The following RYR3 variants were observed in gnomAD, a reference collection of about 807,000 sequenced individuals.
RYR3 encodes the protein ryanodine receptor 3.
In RYR3, 207 loss-of-function variants were observed where a neutral mutation model predicts 584.3. That is an observed-to-expected ratio of 0.35 (90% CI 0.32 to 0.40). The LOEUF is 0.40. Ranked by LOEUF, RYR3 falls within the 10% of genes least tolerant of loss-of-function variation. RYR3 has a pLI of 1.00. For missense variants in RYR3, 5,616 were observed against 6,089.2 expected, an observed-to-expected ratio of 0.92 and a Z score of 2.59; for synonymous variants, 2,416 against 2,248.5, an observed-to-expected ratio of 1.07 and a Z score of -2.11.
intron 43 of RYR3, among the ~76,000 whole-genome samples, chr15:33,708,879 A>G (rs2066902715): frequency 6.6e-6 from 1 of 152,026 alleles, no homozygotes; most frequent in Non-Finnish European, 1.5e-5. Flanking sequence ...CTAGGGTTAG[A>G]CCGCACAGGC....
At chr15:33,654,540 G>A (rs2062708956) in intron 32 of RYR3, among the ~76,000 whole-genome samples, 1 of 152,032 alleles carries the variant, frequency 6.6e-6, no homozygotes, top group Non-Finnish European at 1.5e-5. Context: ...ATTTTCATGG[G>A]TAGAAGGAGA....
intron 2 of RYR3, among the ~76,000 whole-genome samples, chr15:33,488,768 T>G (rs1285668146): frequency 6.6e-6 from 1 of 152,088 alleles, no homozygotes; most frequent in Non-Finnish European, 1.5e-5. Flanking sequence ...AGGTAATCGC[T>G]TGAACCCAGG....
chr15:33,860,619 A>G lies in RYR3; in HGVS notation c.14324A>G (p.Glu4775Gly). The G allele has an allele frequency of 6.3e-7, 1 of 1,592,918 alleles. No individual in the cohort carries two copies. Among genetic ancestry groups the G allele is most frequent in the South Asian group, 1.1e-5 (1 of 87,308 alleles). Residue 4775 changes from glutamate to glycine, a missense_variant, in exon 101 of 104, where the codon GAG becomes GGG. Glu to Gly is a moderately conservative substitution (Grantham distance 98). Around this residue, in one of 9 missense-constraint regions of RYR3, gnomAD observed 918 missense variants for 887.4 expected, o/e 1.03. Transcript: ENST00000634891. ...GGTCTTATTATTGATGCTTTCGGAG[A>G]GCTAAGAGACCAGCAGGAACAAGTA... is the stretch of plus-strand genomic sequence containing the variant. The part of the protein sequence containing the change: ...IQGLIIDAFG[E>G]LRDQQEQVRE...
intron 2 of RYR3, among the ~76,000 whole-genome samples, chr15:33,491,303 A>G (rs1439364440): frequency 4.6e-5 from 7 of 152,336 alleles, no homozygotes; most frequent in Admixed American, 2.6e-4. Flanking sequence ...TGCTATAGTA[A>G]TAGATAGACT....
At chr15:33,422,005 C>T (rs1410015294) in intron 1 of RYR3, among the ~76,000 whole-genome samples, 2 of 152,234 alleles carry the variant, frequency 1.3e-5, no homozygotes, top group Admixed American at 1.3e-4. Flanking sequence ...TACTCTTCAC[C>T]TTAAGATTTT....
At chr15:33,514,356 G>A (rs528574595) in intron 3 of RYR3, among the ~76,000 whole-genome samples, 1 of 152,228 alleles carries the variant, frequency 6.6e-6, no homozygotes, top group East Asian at 1.9e-4. Flanking sequence ...ATGGAGGGTG[G>A]TAGGCAGGAG....
chr15:33,452,770 T>C (rs1295053565), intron 1 of RYR3, among the ~76,000 whole-genome samples: 1 of 152,156 alleles, frequency 6.6e-6, no homozygotes, highest in East Asian at 1.9e-4. Context: ...ACCCAAACAG[T>C]CTGATTTCAG....
chr15:33,827,315 A>G, intron 85 of RYR3, 28 bp downstream of exon 85: 1 of 1,531,832 alleles, frequency 6.5e-7, no homozygotes, highest in South Asian at 1.2e-5. Context: ...GGACAATGGG[A>G]CCTCTCACCT....
intron 36 of RYR3, among the ~76,000 whole-genome samples, chr15:33,668,743 T>TA (rs915792219): frequency 2.6e-5 from 4 of 152,316 alleles, no homozygotes; most frequent in Admixed American, 6.5e-5. Flanking sequence ...TAAATTCATA[T>TA]AAAAAAACAT....
chr15:33,845,733 G>C (rs1292251535), intron 93 of RYR3, among the ~76,000 whole-genome samples: 2 of 152,180 alleles, frequency 1.3e-5, no homozygotes, highest in Non-Finnish European at 2.9e-5. Context: ...AGAATCTTCT[G>C]ATCTTTGAAT....
At chr15:33,747,983 G>T (rs768935133) in intron 53 of RYR3, 131 bp from the exon 54 acceptor site, 42 of 766,724 alleles carry the variant, frequency 5.5e-5, no homozygotes, top group Admixed American at 1.1e-4. Context: ...AGGATGTTTT[G>T]ACCTTGTGAG....
intron 27 of RYR3, among the ~76,000 whole-genome samples, chr15:33,640,036 A>G (rs2061710434): frequency 6.8e-6 from 1 of 146,220 alleles, no homozygotes; most frequent in Admixed American, 6.6e-5. Flanking sequence ...CCTCTCTGCC[A>G]GGCACTCCCC....
chr15:33,420,715 G>A (rs1391370072), intron 1 of RYR3, among the ~76,000 whole-genome samples: 1 of 152,126 alleles, frequency 6.6e-6, no homozygotes, highest in Non-Finnish European at 1.5e-5. Context: ...CTGAGCTGCT[G>A]TTTATTTGTC....
chr15:33,674,757 A>T (rs909479605), intron 38 of RYR3, among the ~76,000 whole-genome samples: 1 of 150,470 alleles, frequency 6.6e-6, no homozygotes, highest in South Asian at 2.1e-4. Context: ...ATGTAGATGG[A>T]TGGATAAAAT....
Position 33,649,091 on chromosome 15 carries a change from G to T in RYR3, c.3998G>T (p.Arg1333Leu). 1.9e-6 allele frequency: 3 copies of T among 1,613,332 alleles called. No homozygotes were observed. Among genetic ancestry groups the T allele is most frequent in the Non-Finnish European group, 1.7e-6 (2 of 1,179,750 alleles). The change falls in exon 31 of 104, where the codon CGC becomes CTC. Residue 1333 changes from arginine to leucine, a missense_variant. Transcript: ENST00000634891. ...HTTTQCYYAI[R>L]IFAGQDPSCV... ...CCACAGCAGTGCTACTACGCCATCC[G>T]CATCTTTGCTGGACAGGATCCATCC...
chr15:33,421,941 A>C (rs12440282), intron 1 of RYR3, among the ~76,000 whole-genome samples: 47,143 of 151,984 alleles, frequency 0.31, 8,472 homozygotes, highest in African/African-American at 0.51. Flanking sequence ...AGATAAGAAT[A>C]ATCAAATTAC....
intron 1 of RYR3, among the ~76,000 whole-genome samples, chr15:33,387,710 T>A (rs2041713611): frequency 6.6e-6 from 1 of 150,830 alleles, no homozygotes; most frequent in Admixed American, 6.6e-5. Context: ...TTTCTTATGA[T>A]TCTCAGAAAA....
chr15:33,793,105 T>C (rs1404540157), intron 67 of RYR3, among the ~76,000 whole-genome samples: 1 of 152,174 alleles, frequency 6.6e-6, no homozygotes, highest in African/African-American at 2.4e-5. Flanking sequence ...GAATAGCTTA[T>C]AGAACTCAGG....
At chr15:33,333,180 A>G (rs2140698484) in intron 1 of RYR3, among the ~76,000 whole-genome samples, 1 of 152,158 alleles carries the variant, frequency 6.6e-6, no homozygotes, top group South Asian at 2.1e-4. Flanking sequence ...TGAAAAATGG[A>G]AAAGGAGGGA....
Sources: gnomAD v4.1 joint callset for allele counts (sites outside exome capture counted in the v4.1 genomes callset) on GRCh38, gnomAD v4.1.1 for gene constraint, gnomAD v4.1.1 regional missense constraint, MANE v1.5 for transcripts, NCBI Gene and HGNC (gene_info 2026-07-23, HGNC 2026-07-21) for gene names.